LHFPL3: variants seen among roughly 807,000 people sequenced by gnomAD.
LHFPL3 encodes LHFPL tetraspan subfamily member 3, also known as LHFPL tetraspan subfamily member 3 protein.
Under a neutral mutation model 19.3 loss-of-function variants are expected in LHFPL3, and 5 were observed. That is an observed-to-expected ratio of 0.26 (90% confidence interval 0.14 to 0.54). The LOEUF is 0.54. Ranked by LOEUF, LHFPL3 falls within the 20% of genes least tolerant of loss-of-function variation. LHFPL3 has a pLI of 0.94. For missense variants in LHFPL3, 249 were observed against 307.4 expected, an observed-to-expected ratio of 0.81 and a Z score of 1.42; for synonymous variants, 133 against 126.2, an observed-to-expected ratio of 1.05 and a Z score of -0.36.
intron 1 of LHFPL3, among the ~76,000 whole-genome samples, chr7:104,374,441 C>T (rs1451198566): frequency 2.0e-5 from 3 of 152,018 alleles, no homozygotes; most frequent in South Asian, 2.1e-4. Context: ...GGGGTTTCAC[C>T]GTGTTGGCCA....
At chr7:104,487,739 G>A (rs1032358276) in intron 1 of LHFPL3, among the ~76,000 whole-genome samples, 2 of 152,130 alleles carry the variant, frequency 1.3e-5, no homozygotes, top group African/African-American at 4.8e-5. Context: ...ATCTTTTCTT[G>A]TCTTTTCTCC....
At chr7:104,719,711 A>G (rs1000657152) in intron 1 of LHFPL3, among the ~76,000 whole-genome samples, 3 of 152,220 alleles carry the variant, frequency 2.0e-5, no homozygotes, top group African/African-American at 7.2e-5. Context: ...CCAAGATTCT[A>G]TAAGTGTTCT....
At chr7:104,858,970 A>T (rs914493280) in intron 2 of LHFPL3, among the ~76,000 whole-genome samples, 3 of 152,138 alleles carry the variant, frequency 2.0e-5, no homozygotes, top group African/African-American at 7.2e-5. Context: ...TAAAAAAAAA[A>T]AAAATCTGTT....
chr7:104,357,210 A>G (rs1327984324), intron 1 of LHFPL3, among the ~76,000 whole-genome samples: 4 of 152,210 alleles, frequency 2.6e-5, no homozygotes, highest in African/African-American at 9.7e-5. Flanking sequence ...TAGTAAAGAC[A>G]TCCATGTTCT....
chr7:104,637,131 T>A (rs1253943683), intron 1 of LHFPL3, among the ~76,000 whole-genome samples: 1 of 152,186 alleles, frequency 6.6e-6, no homozygotes, highest in African/African-American at 2.4e-5. Flanking sequence ...CTCTAATGAT[T>A]AGTGATATTT....
intron 2 of LHFPL3, among the ~76,000 whole-genome samples, chr7:104,825,136 AAAT>A (rs1220836982): frequency 6.6e-6 from 1 of 151,226 alleles, no homozygotes; most frequent in Non-Finnish European, 1.5e-5. Flanking sequence ...GCAGTGTTAA[AAAT>A]AATAATAATA....
intron 1 of LHFPL3, among the ~76,000 whole-genome samples, chr7:104,619,288 CATT>C (rs1242843375): frequency 6.6e-6 from 1 of 152,198 alleles, no homozygotes; most frequent in Non-Finnish European, 1.5e-5. Context: ...AATATCCTAT[CATT>C]ATTGCATTGC....
chr7:104,667,834 G>C lies in LHFPL3; in HGVS notation c.446-68841G>C, dbSNP rs1272295252. 1.8e-5 allele frequency: 29 copies of C among 1,610,836 alleles called. No homozygotes were observed. The Middle Eastern group carries it at 8.8e-4, about 49-fold the overall frequency. On this transcript the variant is annotated intron_variant, in intron 1 of 2. Transcript: ENST00000424859. The stretch of plus-strand genomic sequence containing the variant: ...CTGGCTGAGGATGGGGGTACTGGTG[G>C]AGGAAGCACCTATGTTTCCAAACCA...
At chr7:104,364,606 G>A (rs1301880756) in intron 1 of LHFPL3, among the ~76,000 whole-genome samples, 1 of 152,188 alleles carries the variant, frequency 6.6e-6, no homozygotes, top group African/African-American at 2.4e-5. Flanking sequence ...CTAGATTTAG[G>A]TGTTGGGAGA....
At chr7:104,836,293 G>A (rs997477834) in intron 2 of LHFPL3, among the ~76,000 whole-genome samples, 3 of 152,130 alleles carry the variant, frequency 2.0e-5, no homozygotes, top group African/African-American at 7.2e-5. Flanking sequence ...AAGGAGCTTG[G>A]ATTTTACTCT....
chr7:104,854,781 C>A (rs2116622927), intron 2 of LHFPL3, among the ~76,000 whole-genome samples: 1 of 152,230 alleles, frequency 6.6e-6, no homozygotes, highest in South Asian at 2.1e-4. Flanking sequence ...CACCATTTGT[C>A]TAAGTAAAAT....
At chr7:104,353,835 A>G (rs1157039101) in intron 1 of LHFPL3, among the ~76,000 whole-genome samples, 1 of 152,234 alleles carries the variant, frequency 6.6e-6, no homozygotes, top group Non-Finnish European at 1.5e-5. Flanking sequence ...TTTGCTGATG[A>G]TGTAGCTAAA....
intron 1 of LHFPL3, among the ~76,000 whole-genome samples, chr7:104,518,656 C>T (rs1584375311): frequency 6.6e-6 from 1 of 152,256 alleles, no homozygotes; most frequent in South Asian, 2.1e-4. Context: ...TAGTGGCAGG[C>T]ACCTGCAATC....
intron 1 of LHFPL3, among the ~76,000 whole-genome samples, chr7:104,716,111 G>A (rs1793381429): frequency 6.6e-6 from 1 of 152,140 alleles, no homozygotes; most frequent in Non-Finnish European, 1.5e-5. Flanking sequence ...CACTTTGGGA[G>A]GCCGAGGAGG....
rs1288826635 is a variant in LHFPL3, at chr7:104,709,378, G to A, written c.446-27297G>A. 1.8e-5 allele frequency among the ~76,000 whole-genome samples: 2 copies of A among 111,144 alleles called. 1 individual carries two copies. The highest frequency in any genetic ancestry group is 5.8e-5 in the African/African-American group (2 of 34,478). 72.9% of individuals were successfully genotyped at this position (111,144 alleles called of 152,430 possible). Reference sequence around the variant, plus strand: ...GGTTTTCCTAGACAGAGGACCCTGAGGCCTTCCACAGTGTTTGCGTCCCTG... The same window carrying A: ...GGTTTTCCTAGACAGAGGACCCTGAAGCCTTCCACAGTGTTTGCGTCCCTG... On this transcript the variant is annotated intron_variant, in intron 1 of 2. Transcript: ENST00000424859.
rs569031442 is a variant in LHFPL3, at chr7:104,811,383, T to G, written c.682+74472T>G. Among the ~76,000 whole-genome samples the G allele has an allele frequency of 1.9e-4, 29 of 152,130 alleles. No homozygotes were observed. The East Asian group carries it at 4.5e-3, about 23-fold the overall frequency. ...CTAATTTTTTAATTTTATTTTTTTGTAGAGATGAGGTCTCACCAAGTTTCC... is the reference window on the plus strand; with the variant it reads ...CTAATTTTTTAATTTTATTTTTTTGGAGAGATGAGGTCTCACCAAGTTTCC... On this transcript the variant is annotated intron_variant, in intron 2 of 2. Transcript: ENST00000424859.
intron 2 of LHFPL3, among the ~76,000 whole-genome samples, chr7:104,829,368 T>G (rs1352064751): frequency 6.6e-6 from 1 of 151,762 alleles, no homozygotes; most frequent in African/African-American, 2.4e-5. Flanking sequence ...TTAGGGTACA[T>G]GTGCACAATG....
intron 1 of LHFPL3, among the ~76,000 whole-genome samples, chr7:104,381,552 TTCCCTCCCTCAC>T (rs1790829724): frequency 6.8e-6 from 1 of 147,344 alleles, no homozygotes; most frequent in Non-Finnish European, 1.5e-5. Context: ...TCCTTCCTCT[TTCCCTCCCTCAC>T]TCCCTCCCTC....
intron 1 of LHFPL3, among the ~76,000 whole-genome samples, chr7:104,450,491 C>T (rs1396474529): frequency 6.6e-6 from 1 of 152,008 alleles, no homozygotes; most frequent in African/African-American, 2.4e-5. Flanking sequence ...CAAAACACTG[C>T]ATGTTCTCAC....
Sources: allele counts gnomAD v4.1 joint callset (sites outside exome capture counted in the v4.1 genomes callset), GRCh38; gene constraint gnomAD v4.1.1; transcripts MANE v1.5; gene names NCBI Gene and HGNC (gene_info 2026-07-23, HGNC 2026-07-21).